Variants in FGF1 observed in about 807,000 individuals in gnomAD.
The protein encoded by FGF1 is beta-endothelial cell growth factor.
Under a neutral mutation model 13.4 loss-of-function variants are expected in FGF1, and 9 were observed. The observed-to-expected ratio is 0.67, with a 90% CI of 0.40 to 1.17. The LOEUF (loss-of-function observed/expected upper bound fraction) is 1.17. FGF1 is among the 50% of genes most tolerant of loss of function. FGF1 has a pLI of 0.01. For synonymous variants in FGF1, 93 were observed against 79.0 expected (o/e 1.18, Z -0.94); for missense variants, 156 against 192.7 (o/e 0.81, Z 1.13).
At chr5:142,630,218 G>A (rs1379108745) in intron 1 of FGF1, among the ~76,000 whole-genome samples, 1 of 152,064 alleles carries the variant, frequency 6.6e-6, no homozygotes, top group Non-Finnish European at 1.5e-5. Flanking sequence ...TTGAGTGCTT[G>A]AGTACATTTT....
chr5:142,618,924 G>GTTTTT lies in FGF1; in HGVS notation c.-34-4764_-34-4763insAAAAA, dbSNP rs1187824250. ...AAACACTGACATTTATTTTTTAGTT[G>GTTTTT]TTTTGTTTTTTTTTTTTTTTTTTTT... On this transcript the variant is annotated intron_variant, in intron 1 of 3. Transcript: ENST00000337706. 9.3e-3 allele frequency among the ~76,000 whole-genome samples: 729 copies of GTTTTT among 78,212 alleles called. 34 individuals are homozygous for GTTTTT. The highest frequency in any genetic ancestry group is 0.015 in the African/African-American group (316 of 21,250). 51.3% of individuals were successfully genotyped at this position (78,212 alleles called of 152,430 possible).
At chr5:142,606,044 G>A (rs1001513330) in intron 2 of FGF1, among the ~76,000 whole-genome samples, 3 of 151,976 alleles carry the variant, frequency 2.0e-5, no homozygotes, top group African/African-American at 7.3e-5. Context: ...CATCTACTAG[G>A]TGCTGGGACT....
intron 1 of FGF1, among the ~76,000 whole-genome samples, chr5:142,684,231 G>A (rs996589539): frequency 6.6e-6 from 1 of 152,192 alleles, no homozygotes; most frequent in Non-Finnish European, 1.5e-5. Context: ...TCCCTTCAAT[G>A]TAGATACGGC....
At position 142,625,015 on chromosome 5, in the gene FGF1, G is replaced by A. The variant is rs186951575; in HGVS notation, c.-34-10854C>T. Among the ~76,000 whole-genome samples, 267 of 152,284 alleles carry A rather than the reference G, an allele frequency of 1.8e-3. 1 individual carries two copies. Among genetic ancestry groups the A allele is most frequent in the Non-Finnish European group, 2.9e-3 (198 of 68,026 alleles). On this transcript the variant is annotated intron_variant, in intron 1 of 3. Coordinates refer to ENST00000337706, the MANE Select transcript of FGF1 (RefSeq NM_000800.5). ...AGTTGTTCCATAATATACAACATAT[G>A]CACCATACTACCTCGCTAAAATTAC... is the stretch of plus-strand genomic sequence containing the variant.
At chr5:142,631,263 C>T (rs979602371) in intron 1 of FGF1, among the ~76,000 whole-genome samples, 2 of 152,158 alleles carry the variant, frequency 1.3e-5, no homozygotes, top group Non-Finnish European at 2.9e-5. Flanking sequence ...TTGATTCTTG[C>T]TCATCAAGTC....
chr5:142,614,904 C>A (rs1401789261), intron 1 of FGF1, among the ~76,000 whole-genome samples: 2 of 152,142 alleles, frequency 1.3e-5, no homozygotes, highest in Admixed American at 1.3e-4. Flanking sequence ...TCATGTGGCA[C>A]AGAGAAGGTG....
At chr5:142,632,305 T>C (rs578138246) in intron 1 of FGF1, among the ~76,000 whole-genome samples, 4 of 152,288 alleles carry the variant, frequency 2.6e-5, no homozygotes, top group African/African-American at 9.6e-5. Flanking sequence ...GTTTTCTCCT[T>C]GAGTAACCAA....
At position 142,673,746 on chromosome 5, in the gene FGF1, G is replaced by T. The variant is rs78909733; in HGVS notation, c.-35+12211C>A. ...CTTCACCCCACTTAGGGTGATTAGGGTCAGTTCTCCACTCAGGGGTCCACC... is the reference window on the plus strand; with the variant it reads ...CTTCACCCCACTTAGGGTGATTAGGTTCAGTTCTCCACTCAGGGGTCCACC... On this transcript the variant is annotated intron_variant, in intron 1 of 3. Transcript: ENST00000337706. 5.3e-3 allele frequency among the ~76,000 whole-genome samples: 814 copies of T among 152,218 alleles called. 6 individuals carry two copies. The highest frequency in any genetic ancestry group is 0.019 in the African/African-American group (778 of 41,516).
chr5:142,689,261 C>T (rs920786463), upstream of FGF1, among the ~76,000 whole-genome samples: 4 of 152,218 alleles, frequency 2.6e-5, no homozygotes, highest in South Asian at 4.2e-4. Context: ...AATCAGCTGA[C>T]GGGAGAAATT....
At chr5:142,662,832 A>AT (rs558223055) in intron 1 of FGF1, among the ~76,000 whole-genome samples, 28 of 150,382 alleles carry the variant, frequency 1.9e-4, no homozygotes, top group African/African-American at 3.4e-4. Flanking sequence ...TAAAATTGTA[A>AT]TTTTTTTTTT....
At chr5:142,650,668 G>GTA (rs1374332002) in intron 1 of FGF1, among the ~76,000 whole-genome samples, 2 of 151,256 alleles carry the variant, frequency 1.3e-5, no homozygotes, top group African/African-American at 2.4e-5. Flanking sequence ...GTGTGTGTGT[G>GTA]TATATATACA....
intron 1 of FGF1, among the ~76,000 whole-genome samples, chr5:142,632,161 T>C (rs1763481042): frequency 6.6e-6 from 1 of 152,176 alleles, no homozygotes; most frequent in Admixed American, 6.5e-5. Flanking sequence ...GTGATAAAGA[T>C]CAATACAATG....
intron 3 of FGF1, among the ~76,000 whole-genome samples, chr5:142,596,798 C>T (rs1755377376): frequency 6.6e-6 from 1 of 152,008 alleles, no homozygotes; most frequent in Non-Finnish European, 1.5e-5. Context: ...TAAAAATATA[C>T]CTTTACTTTG....
At chr5:142,669,345 T>C (rs1434265707) in intron 1 of FGF1, among the ~76,000 whole-genome samples, 1 of 152,190 alleles carries the variant, frequency 6.6e-6, no homozygotes, top group Non-Finnish European at 1.5e-5. Context: ...TCTTCTTGAC[T>C]AGACTACAAG....
chr5:142,610,354 C>T (rs1008577592), intron 2 of FGF1, among the ~76,000 whole-genome samples: 2 of 152,158 alleles, frequency 1.3e-5, no homozygotes, highest in Non-Finnish European at 2.9e-5. Flanking sequence ...GAGACAAAGT[C>T]CTTGTCCTCT....
intron 1 of FGF1, among the ~76,000 whole-genome samples, chr5:142,668,606 A>G (rs1232236076): frequency 1.3e-5 from 2 of 152,210 alleles, no homozygotes; most frequent in East Asian, 1.9e-4. Flanking sequence ...CAGAAAGTCA[A>G]TTCATCTCTC....
At chr5:142,672,725 G>A (rs1464442473) in intron 1 of FGF1, among the ~76,000 whole-genome samples, 3 of 151,954 alleles carry the variant, frequency 2.0e-5, no homozygotes, top group East Asian at 1.9e-4. Flanking sequence ...GGCTCGTCTC[G>A]AACTCCTGAT....
intron 3 of FGF1, among the ~76,000 whole-genome samples, chr5:142,596,240 C>G (rs1597012601): frequency 6.6e-6 from 1 of 152,160 alleles, no homozygotes; most frequent in East Asian, 1.9e-4. Context: ...GAGGCTGAGG[C>G]AGGAGGATTG....
chr5:142,616,023 C>T (rs771231665), intron 1 of FGF1, among the ~76,000 whole-genome samples: 13 of 152,206 alleles, frequency 8.5e-5, no homozygotes, highest in Non-Finnish European at 1.8e-4. Flanking sequence ...TCCACCTTCT[C>T]CAGGAGAAGC....
Sources: allele counts gnomAD v4.1 joint callset (sites outside exome capture counted in the v4.1 genomes callset), GRCh38; gene constraint gnomAD v4.1.1; transcripts MANE v1.5; gene names NCBI Gene and HGNC (gene_info 2026-07-23, HGNC 2026-07-21).